Variants in FAM178B observed in about 807,000 individuals in gnomAD.
FAM178B encodes the protein family with sequence similarity 178 member B, also known as protein FAM178B.
FAM178B carries 82 observed loss-of-function variants against 91.7 expected under a neutral mutation model. The ratio of observed to expected loss-of-function variants is 0.89; its 90% CI spans 0.75 to 1.07. The LOEUF is 1.07. Among genes scored for constraint, FAM178B ranks in the 50% least tolerant of loss-of-function variants. FAM178B has a pLI of 0.00. For synonymous variants in FAM178B, 368 were observed against 359.4 expected, an observed-to-expected ratio of 1.02 and a Z score of -0.27; for missense variants, 769 against 846.7, an observed-to-expected ratio of 0.91 and a Z score of 1.14.
At chr2:96,908,486 G>A (rs1408862227) in intron 12 of FAM178B, among the ~76,000 whole-genome samples, 2 of 152,066 alleles carry the variant, frequency 1.3e-5, no homozygotes, top group Non-Finnish European at 2.9e-5. Flanking sequence ...GCTCATTTGA[G>A]GTCAGGAGTT....
intron 9 of FAM178B, among the ~76,000 whole-genome samples, chr2:96,927,502 G>C (rs1298736326): frequency 6.6e-6 from 1 of 152,284 alleles, no homozygotes; most frequent in East Asian, 1.9e-4. Flanking sequence ...CAGCTCCCTG[G>C]GCCCGATCTA....
chr2:96,973,772 G>C (rs1457837420), intron 1 of FAM178B, among the ~76,000 whole-genome samples: 1 of 152,012 alleles, frequency 6.6e-6, no homozygotes, highest in Non-Finnish European at 1.5e-5. Flanking sequence ...AGGCCGAGGA[G>C]GGTGGGTCAT....
At chr2:96,892,371 C>T (rs1293735319) in intron 14 of FAM178B, among the ~76,000 whole-genome samples, 2 of 152,150 alleles carry the variant, frequency 1.3e-5, no homozygotes, top group African/African-American at 2.4e-5. Flanking sequence ...GCCTGGGACT[C>T]GCCTGCCTCT....
intron 12 of FAM178B, among the ~76,000 whole-genome samples, chr2:96,911,909 A>T (rs1367415177): frequency 6.6e-6 from 1 of 152,160 alleles, no homozygotes; most frequent in Non-Finnish European, 1.5e-5. Flanking sequence ...AATCCCAGAC[A>T]TGTGCCACAC....
chr2:96,970,827 G>A (rs1246822714), intron 3 of FAM178B, 50 bp from the exon 4 acceptor site: 8 of 1,331,970 alleles, frequency 6.0e-6, no homozygotes, highest in South Asian at 3.9e-5. Flanking sequence ...TACAAAGATA[G>A]AGGAGAAAAA....
At chr2:96,976,545 G>A (rs2082290755) in intron 1 of FAM178B, among the ~76,000 whole-genome samples, 1 of 151,592 alleles carries the variant, frequency 6.6e-6, no homozygotes, top group African/African-American at 2.4e-5. Context: ...ATTCATAATA[G>A]TCAAAAAGTG....
chr2:96,974,924 C>T (rs2082269991), intron 1 of FAM178B, among the ~76,000 whole-genome samples: 1 of 151,864 alleles, frequency 6.6e-6, no homozygotes, highest in Non-Finnish European at 1.5e-5. Context: ...AACACCGCCT[C>T]TACTAAAAAT....
chr2:96,929,025 G>T (rs1294621653), intron 9 of FAM178B, among the ~76,000 whole-genome samples, 181 bp downstream of exon 9: 1 of 152,126 alleles, frequency 6.6e-6, no homozygotes, highest in Non-Finnish European at 1.5e-5. Context: ...AGGCGTGGTG[G>T]TGCGTACCTG....
chr2:96,962,440 AAAAAGAAAGAAAG>A (rs2082093831), intron 5 of FAM178B, among the ~76,000 whole-genome samples: 1 of 135,220 alleles, frequency 7.4e-6, no homozygotes, highest in African/African-American at 2.8e-5. Flanking sequence ...AGAAAAAAAA[AAAAAGAAAGAAAG>A]AAAGAAAGAA....
chr2:96,971,719 G>C (rs1343465318), intron 3 of FAM178B, among the ~76,000 whole-genome samples, 182 bp downstream of exon 3: 1 of 152,250 alleles, frequency 6.6e-6, no homozygotes, highest in African/African-American at 2.4e-5. Context: ...GTGCATCCTG[G>C]CCTTGGGGGC....
chr2:96,896,676 C>T (rs2080830295), intron 13 of FAM178B, among the ~76,000 whole-genome samples: 1 of 152,198 alleles, frequency 6.6e-6, no homozygotes, highest in African/African-American at 2.4e-5. Flanking sequence ...CAAATCCTGG[C>T]TTCCTCCTCA....
At chr2:96,877,785 A>C in intron 16 of FAM178B, 105 bp downstream of exon 16, 35 of 1,176,662 alleles carry the variant, frequency 3.0e-5, no homozygotes, top group East Asian at 5.1e-5. Flanking sequence ...TATCCCTGCC[A>C]GGAGCTCAGC....
At chr2:96,935,704 G>C (rs1011451452) in intron 8 of FAM178B, among the ~76,000 whole-genome samples, 3 of 151,016 alleles carry the variant, frequency 2.0e-5, no homozygotes, top group Non-Finnish European at 2.9e-5. Context: ...CACGATCTCG[G>C]CTCGCTGCAA....
rs554605652 is a variant in FAM178B at position 96,921,640 on chromosome 2, A to G, written c.1302T>C (p.Cys434=). ...TGTAGGCCCCCGGCTGGGCCTGGGC[A>G]CACAGCGCCAGAAACTGGAGAGAGA... is the stretch of plus-strand genomic sequence containing the variant. ...LGHIYKFLAL[C]AQAQPGAYTD... The change falls in exon 11 of 17, where the codon TGT becomes TGC. Residue 434 remains cysteine, a synonymous_variant. Transcript: ENST00000490605. The G allele has an allele frequency of 6.4e-7, 1 of 1,551,450 alleles. No individual in the cohort carries two copies. The highest frequency in any genetic ancestry group is 2.0e-5 in the Admixed American group (1 of 51,002).
chr2:96,949,397 A>C (rs1261498828), intron 7 of FAM178B, among the ~76,000 whole-genome samples: 1 of 152,130 alleles, frequency 6.6e-6, no homozygotes, highest in Non-Finnish European at 1.5e-5. Context: ...TAGCCTAACC[A>C]GATTCTCCTT....
chr2:96,901,995 C>G (rs2080942142), intron 13 of FAM178B, among the ~76,000 whole-genome samples: 1 of 152,040 alleles, frequency 6.6e-6, no homozygotes, highest in Non-Finnish European at 1.5e-5. Context: ...ACAAGGGTTT[C>G]ACCACATTGG....
rs1559064177 is a variant in FAM178B at position 96,905,842 on chromosome 2, ATATATATATATATATATATTTTTTTT to A, written c.1563-3161_1563-3136del. Among the ~76,000 whole-genome samples, 169 of 27,992 alleles carry A rather than the reference ATATATATATATATATATATTTTTTTT, an allele frequency of 6.0e-3. 3 individuals are homozygous for A. The highest frequency in any genetic ancestry group is 0.018 in the African/African-American group (166 of 9,162). The allele number at this position is 27,992 out of a possible 152,430, so 18.4% of individuals were successfully genotyped here. A position where few individuals can be genotyped will look rare whatever the true frequency, so the allele number is the denominator to read the frequency against. On this transcript the variant is annotated intron_variant, in intron 12 of 16. Coordinates refer to ENST00000490605, the MANE Select transcript of FAM178B (RefSeq NM_001122646.3). ...TGTATATATATATATATATATATATATATATATATATATATATATTTTTTTTTTTTTTTTTTTTTTTTTTTTGAGAT... is the reference window on the plus strand; with the variant it reads ...TGTATATATATATATATATATATATATTTTTTTTTTTTTTTTTTTTGAGAT...
intron 14 of FAM178B, among the ~76,000 whole-genome samples, chr2:96,884,395 A>C (rs1403906052): frequency 6.6e-6 from 1 of 152,172 alleles, no homozygotes; most frequent in Non-Finnish European, 1.5e-5. Flanking sequence ...CGGGCCTCCT[A>C]TTGGAAGGAT....
In FAM178B at chr2:96,972,531, C is replaced by T. The variant is rs1255262715; in HGVS notation, c.142+7G>A. ...GGGATTTACCTGTGCAGGTGAGAGA[C>T]GCCTACCTTCTCTCAGAGGAAGGGC... is the stretch of plus-strand genomic sequence containing the variant. On this transcript the variant is annotated splice_region_variant and intron_variant, in intron 2 of 16. Transcript: ENST00000490605. 6.4e-6 allele frequency: 10 copies of T among 1,551,216 alleles called. No homozygotes were observed. Among genetic ancestry groups the T allele is most frequent in the Admixed American group, 3.9e-5 (2 of 51,010 alleles).
Sources: allele counts gnomAD v4.1 joint callset (sites outside exome capture counted in the v4.1 genomes callset), GRCh38; gene constraint gnomAD v4.1.1; transcripts MANE v1.5; gene names NCBI Gene and HGNC (gene_info 2026-07-23, HGNC 2026-07-21).